Variants in ZFP64 observed in about 807,000 individuals in gnomAD.
ZFP64 encodes the protein ZFP64 zinc finger protein.
In ZFP64, 14 loss-of-function variants were observed where a neutral mutation model predicts 51.6. The ratio of observed to expected loss-of-function variants is 0.27; its 90% CI spans 0.18 to 0.42. ZFP64 has a LOEUF of 0.42. ZFP64 is among the 10% of genes least tolerant of loss of function. ZFP64 has a pLI of 1.00. For missense variants in ZFP64, 754 were observed against 906.8 expected, an observed-to-expected ratio of 0.83 and a Z score of 2.16; for synonymous variants, 375 against 361.4, an observed-to-expected ratio of 1.04 and a Z score of -0.43.
At position 52,161,450 on chromosome 20, in the gene ZFP64, CTTT is replaced by C. The variant is rs11469696; in HGVS notation, c.512-1079_512-1077del. On this transcript the variant is annotated intron_variant, in intron 4 of 5. Coordinates refer to ENST00000216923, the MANE Select transcript of ZFP64 (RefSeq NM_018197.3). ...CCCAGGACCGTCTTGTGATTGCTTT[CTTT>C]TTTTTTTTTTTTTTTTTTGCCAAAT... Among the ~76,000 whole-genome samples, 109 of 115,146 alleles carry C rather than the reference CTTT, an allele frequency of 9.5e-4. 1 individual carries two copies. Among genetic ancestry groups the C allele is most frequent in the Admixed American group, 1.2e-3 (13 of 10,676 alleles). The allele number at this position is 115,146 out of a possible 152,430, so 75.5% of individuals were successfully genotyped here. A position where few individuals can be genotyped will look rare whatever the true frequency, so the allele number is the denominator to read the frequency against.
At chr20:52,190,533 A>T (rs1396448159) in intron 1 of ZFP64, among the ~76,000 whole-genome samples, 1 of 152,112 alleles carries the variant, frequency 6.6e-6, no homozygotes, top group African/African-American at 2.4e-5. Context: ...TGCTCGTACC[A>T]GCACAGTCCC....
At chr20:52,182,094 G>A (rs1157056062) in intron 2 of ZFP64, among the ~76,000 whole-genome samples, 1 of 152,120 alleles carries the variant, frequency 6.6e-6, no homozygotes, top group Non-Finnish European at 1.5e-5. Flanking sequence ...CCCTTTATGT[G>A]GATTATCGCA....
intron 5 of ZFP64, chr20:52,105,699 G>A (rs1978309264): frequency 6.6e-6 from 1 of 152,062 alleles, no homozygotes; most frequent in Admixed American, 6.6e-5. Flanking sequence ...TTAAAATGCA[G>A]ATTCTGACTC....
chr20:52,145,533 G>A (rs915391542), intron 5 of ZFP64, among the ~76,000 whole-genome samples: 7 of 152,170 alleles, frequency 4.6e-5, no homozygotes, highest in Admixed American at 6.5e-5. Flanking sequence ...AGCTACTTGG[G>A]AGGCTGAGGT....
At chr20:52,175,288 A>C (rs1426359528) in intron 2 of ZFP64, among the ~76,000 whole-genome samples, 3 of 151,684 alleles carry the variant, frequency 2.0e-5, no homozygotes, top group African/African-American at 7.3e-5. Flanking sequence ...ACGCCCAGCT[A>C]ATTTTTGTAT....
intron 2 of ZFP64, chr20:52,176,019 C>T: frequency 1.0e-6 from 1 of 966,070 alleles, no homozygotes; most frequent in Non-Finnish European, 1.2e-6. Context: ...CTGTTGGAAG[C>T]CCTGACCACG....
chr20:52,096,968 G>A, intron 7 of ZFP64: 1 of 495,330 alleles, frequency 2.0e-6, no homozygotes, highest in Non-Finnish European at 4.1e-6. Context: ...CTCTTGTAAG[G>A]CCAGAAAGCT....
Position 52,151,489 on chromosome 20 carries a change from T to C in ZFP64, c.*657A>G, listed in dbSNP as rs941418151. The C allele has an allele frequency of 2.0e-6, 2 of 985,382 alleles. No individual in the cohort carries two copies. The highest frequency in any genetic ancestry group is 2.4e-6 in the Non-Finnish European group (2 of 830,024). The allele number at this position is 985,382 out of a possible 1,614,324, so 61.0% of individuals were successfully genotyped here. A position where few individuals can be genotyped will look rare whatever the true frequency, so the allele number is the denominator to read the frequency against. The stretch of plus-strand genomic sequence containing the variant: ...AGAGAGGCTGGGAAGTACCATTTAC[T>C]ACACAAATGTAATAAGATGGACAGA... On this transcript the variant is annotated 3_prime_UTR_variant, in exon 6 of 6. Coordinates refer to ENST00000216923, the MANE Select transcript of ZFP64 (RefSeq NM_018197.3).
At chr20:52,110,760 C>T (rs1443059742) in intron 5 of ZFP64, 16 of 1,598,084 alleles carry the variant, frequency 1.0e-5, no homozygotes, top group Admixed American at 3.3e-5. Flanking sequence ...TCTCAAAGTC[C>T]CCCTCCCGGG....
intron 5 of ZFP64, among the ~76,000 whole-genome samples, chr20:52,113,554 A>C (rs1287638381): frequency 6.8e-6 from 1 of 146,948 alleles, no homozygotes; most frequent in African/African-American, 2.5e-5. Flanking sequence ...CAGCCTCCCA[A>C]GTAGCTGAGA....
intron 5 of ZFP64, among the ~76,000 whole-genome samples, chr20:52,124,955 G>C (rs1171109318): frequency 6.6e-6 from 1 of 152,140 alleles, no homozygotes. Flanking sequence ...TCAAAGGCCA[G>C]TCCTGAAGCA....
At chr20:52,162,874 A>G (rs1004663765) in intron 4 of ZFP64, among the ~76,000 whole-genome samples, 1 of 152,166 alleles carries the variant, frequency 6.6e-6, no homozygotes, top group Non-Finnish European at 1.5e-5. Flanking sequence ...GTAATTAAGC[A>G]TACCCCCACT....
intron 3 of ZFP64, chr20:52,165,143 AG>A: frequency 2.2e-6 from 1 of 461,302 alleles, no homozygotes; most frequent in Non-Finnish European, 4.3e-6. Flanking sequence ...CCTGGATCAG[AG>A]GGGAAAAATG....
intron 5 of ZFP64, among the ~76,000 whole-genome samples, chr20:52,125,853 T>C (rs1015446684): frequency 6.6e-6 from 1 of 152,082 alleles, no homozygotes; most frequent in African/African-American, 2.4e-5. Context: ...CTGCCTACTG[T>C]GTGCGAGGTA....
chr20:52,090,980 T>C (rs1162079953), intron 7 of ZFP64, among the ~76,000 whole-genome samples: 1 of 144,708 alleles, frequency 6.9e-6, no homozygotes, highest in African/African-American at 2.6e-5. Context: ...TGGTATACCC[T>C]TGTAGTCCCA....
At chr20:52,158,284 G>A (rs1981488584) in intron 5 of ZFP64, among the ~76,000 whole-genome samples, 1 of 152,164 alleles carries the variant, frequency 6.6e-6, no homozygotes, top group Non-Finnish European at 1.5e-5. Flanking sequence ...CCAGACCCAA[G>A]GGAGATCACG....
intron 5 of ZFP64, among the ~76,000 whole-genome samples, chr20:52,112,708 G>A (rs1978658026): frequency 6.6e-6 from 1 of 151,530 alleles, no homozygotes; most frequent in Non-Finnish European, 1.5e-5. Context: ...TCAACTTCCA[G>A]GTCTCAAGAG....
chr20:52,179,473 T>C (rs1359998129), intron 2 of ZFP64, among the ~76,000 whole-genome samples: 1 of 152,198 alleles, frequency 6.6e-6, no homozygotes, highest in Non-Finnish European at 1.5e-5. Context: ...TTTTATTGAG[T>C]GCCTATGATG....
intron 5 of ZFP64, among the ~76,000 whole-genome samples, chr20:52,141,304 C>T (rs1600744787): frequency 1.3e-5 from 2 of 152,142 alleles, no homozygotes; most frequent in Non-Finnish European, 2.9e-5. Flanking sequence ...ATAGTGATTC[C>T]TCTGATGCAT....
Sources: gnomAD v4.1 joint callset for allele counts (sites outside exome capture counted in the v4.1 genomes callset) on GRCh38, gnomAD v4.1.1 for gene constraint, MANE v1.5 for transcripts, NCBI Gene and HGNC (gene_info 2026-07-23, HGNC 2026-07-21) for gene names.